ASTN2: variants seen among roughly 807,000 people sequenced by gnomAD.
The protein encoded by ASTN2 is astrotactin 2.
Under a neutral mutation model 139.8 loss-of-function variants are expected in ASTN2, and 54 were observed. The ratio of observed to expected loss-of-function variants is 0.39; its 90% CI spans 0.31 to 0.48. ASTN2 has a LOEUF of 0.48. Among genes scored for constraint, ASTN2 ranks in the 20% least tolerant of loss-of-function variants. The pLI is 0.95. For missense variants in ASTN2, 1,565 were observed against 1,725.1 expected, an observed-to-expected ratio of 0.91 and a Z score of 1.64; for synonymous variants, 756 against 719.5, an observed-to-expected ratio of 1.05 and a Z score of -0.81.
At chr9:117,232,994 T>C (rs143209874) in intron 2 of ASTN2, among the ~76,000 whole-genome samples, 3 of 152,224 alleles carry the variant, frequency 2.0e-5, no homozygotes, top group Non-Finnish European at 4.4e-5. Context: ...TCTGGCATTA[T>C]CTACTTCCTT....
rs3984942 is a variant in ASTN2, at chr9:116,530,094, GATATATATATATATATATATAT to G, written c.3356-42616_3356-42595del. ...ATCAGTGGATGAATGGATAAAGTGT[GATATATATATATATATATATAT>G]ATATATATATATATATATATATATA... is the stretch of plus-strand genomic sequence containing the variant. On this transcript the variant is annotated intron_variant, in intron 19 of 22. Coordinates refer to ENST00000313400, the MANE Select transcript of ASTN2 (RefSeq NM_001365068.1). Among the ~76,000 whole-genome samples the G allele has an allele frequency of 8.2e-3, 419 of 51,034 alleles. 4 individuals are homozygous for G. Among genetic ancestry groups the G allele is most frequent in the South Asian group, 0.022 (19 of 862 alleles). The allele number at this position is 51,034 out of a possible 152,430, so 33.5% of individuals were successfully genotyped here.
At chr9:116,771,277 A>T (rs113583555) in intron 13 of ASTN2, among the ~76,000 whole-genome samples, 253 of 150,610 alleles carry the variant, frequency 1.7e-3, no homozygotes, top group African/African-American at 5.8e-3. Flanking sequence ...AAGACCTGCT[A>T]CAGGGCACTT....
At chr9:116,574,895 C>T (rs1853663163) in intron 19 of ASTN2, among the ~76,000 whole-genome samples, 1 of 152,188 alleles carries the variant, frequency 6.6e-6, no homozygotes, top group South Asian at 2.1e-4. Context: ...TCAAGTGCAG[C>T]AGCCTGGCAT....
intron 10 of ASTN2, among the ~76,000 whole-genome samples, chr9:116,931,609 C>G (rs995929778): frequency 1.2e-4 from 18 of 152,166 alleles, no homozygotes; most frequent in Admixed American, 1.2e-3. Context: ...TGATTGTTGA[C>G]AGATTGCAAG....
chr9:117,201,966 G>A (rs1303586937), intron 3 of ASTN2, among the ~76,000 whole-genome samples: 1 of 152,142 alleles, frequency 6.6e-6, no homozygotes, highest in African/African-American at 2.4e-5. Flanking sequence ...ATTATTGTGT[G>A]GGAGTCTAAG....
At chr9:117,329,944 A>G (rs535724800) in intron 1 of ASTN2, among the ~76,000 whole-genome samples, 1 of 152,172 alleles carries the variant, frequency 6.6e-6, no homozygotes, top group Admixed American at 6.5e-5. Flanking sequence ...TGAAATGGGA[A>G]CTGTTATCGT....
chr9:116,893,516 T>C (rs1219964712), intron 10 of ASTN2, among the ~76,000 whole-genome samples: 3 of 152,170 alleles, frequency 2.0e-5, no homozygotes, highest in Non-Finnish European at 2.9e-5. Flanking sequence ...GGTCACTGAC[T>C]CTTCCAGCCT....
chr9:117,364,733 T>C (rs1304859742), intron 1 of ASTN2, among the ~76,000 whole-genome samples: 3 of 152,030 alleles, frequency 2.0e-5, no homozygotes, highest in African/African-American at 7.3e-5. Flanking sequence ...AAACTTAAGT[T>C]ACGAAGTCTA....
In ASTN2 at chr9:116,568,934, G is replaced by T. The variant is rs1399670627; in HGVS notation, c.3355+49390C>A. On this transcript the variant is annotated intron_variant, in intron 19 of 22. Coordinates refer to ENST00000313400, the MANE Select transcript of ASTN2 (RefSeq NM_001365068.1). ...AAAAATATCCTTTAGGCAAGGTGAGGCCTTTTTTTACTCTGACACTATTTT... is the reference window on the plus strand; with the variant it reads ...AAAAATATCCTTTAGGCAAGGTGAGTCCTTTTTTTACTCTGACACTATTTT... The T allele has an allele frequency of 2.6e-5, 4 of 152,234 alleles. No individual in the cohort carries two copies. In the East Asian group the frequency reaches 7.7e-4, roughly 29 times the overall value. The allele number at this position is 152,234 out of a possible 1,614,324, so 9.4% of individuals were successfully genotyped here.
intron 20 of ASTN2, among the ~76,000 whole-genome samples, chr9:116,465,752 C>T (rs16933565): frequency 0.035 from 5,298 of 152,206 alleles, 291 homozygotes; most frequent in African/African-American, 0.12. Context: ...CTTTGCTCTG[C>T]GGATTAGACT....
At chr9:116,662,609 C>T (rs962593723) in intron 16 of ASTN2, among the ~76,000 whole-genome samples, 1 of 152,124 alleles carries the variant, frequency 6.6e-6, no homozygotes, top group Non-Finnish European at 1.5e-5. Context: ...TCATGCCAGA[C>T]ACTTAATAGC....
intron 16 of ASTN2, among the ~76,000 whole-genome samples, chr9:116,672,249 C>G (rs1285672097): frequency 6.6e-6 from 1 of 151,770 alleles, no homozygotes; most frequent in East Asian, 1.9e-4. Context: ...GCCTGTAGTC[C>G]CAGCTACTTG....
chr9:116,667,965 G>A (rs1005798931), intron 16 of ASTN2, among the ~76,000 whole-genome samples: 2 of 152,054 alleles, frequency 1.3e-5, no homozygotes, highest in Non-Finnish European at 2.9e-5. Context: ...TGCTGGTGTT[G>A]AACATTCTAT....
At chr9:117,109,418 C>T (rs934355976) in intron 4 of ASTN2, among the ~76,000 whole-genome samples, 1 of 152,024 alleles carries the variant, frequency 6.6e-6, no homozygotes, top group African/African-American at 2.4e-5. Flanking sequence ...TTGTTCCTGC[C>T]TTGATTTCTC....
intron 10 of ASTN2, among the ~76,000 whole-genome samples, chr9:116,934,866 A>G (rs972130029): frequency 1.3e-5 from 2 of 151,780 alleles, no homozygotes; most frequent in Non-Finnish European, 2.9e-5. Context: ...ATGTTTATAT[A>G]CCCCCCTGTC....
intron 6 of ASTN2, among the ~76,000 whole-genome samples, chr9:117,034,275 A>G (rs1449675560): frequency 6.6e-6 from 1 of 152,186 alleles, no homozygotes; most frequent in Non-Finnish European, 1.5e-5. Flanking sequence ...CTCAGCTAAG[A>G]TAGGTGTTTA....
chr9:116,883,075 A>G (rs1490605565), intron 10 of ASTN2, among the ~76,000 whole-genome samples: 2 of 152,236 alleles, frequency 1.3e-5, no homozygotes, highest in East Asian at 1.9e-4. Flanking sequence ...AGATGATGAC[A>G]TATGCACAAT....
At chr9:116,785,111 AG>A (rs1190330852) in intron 13 of ASTN2, among the ~76,000 whole-genome samples, 1 of 152,046 alleles carries the variant, frequency 6.6e-6, no homozygotes, top group Non-Finnish European at 1.5e-5. Flanking sequence ...GGAGGGGAAA[AG>A]GTTGACAGCT....
intron 19 of ASTN2, among the ~76,000 whole-genome samples, chr9:116,604,284 A>G (rs1855072390): frequency 6.6e-6 from 1 of 152,200 alleles, no homozygotes; most frequent in Non-Finnish European, 1.5e-5. Context: ...AATGAACAGG[A>G]TAAAGACTCT....
Sources: gnomAD v4.1 joint callset for allele counts (sites outside exome capture counted in the v4.1 genomes callset) on GRCh38, gnomAD v4.1.1 for gene constraint, MANE v1.5 for transcripts, NCBI Gene and HGNC (gene_info 2026-07-23, HGNC 2026-07-21) for gene names.